The following PUM1 variants were observed in gnomAD, a reference collection of about 807,000 sequenced individuals.
PUM1 encodes the protein pumilio homolog 1.
PUM1 carries 13 observed loss-of-function variants against 131.8 expected under a neutral mutation model. That is an observed-to-expected ratio of 0.10 (90% CI 0.06 to 0.16). PUM1 has a LOEUF of 0.16. Among genes scored for constraint, PUM1 ranks in the 10% least tolerant of loss-of-function variants. The probability of loss-of-function intolerance (pLI) is 1.00; values close to 1 mark genes in which losing one functional copy is unlikely to be tolerated. For missense variants in PUM1, 961 were observed against 1,512.4 expected, an observed-to-expected ratio of 0.64 and a Z score of 6.05; for synonymous variants, 509 against 556.5, an observed-to-expected ratio of 0.91 and a Z score of 1.20.
intron 3 of PUM1, 114 bp from the exon 4 acceptor site, chr1:31,007,216 T>C: frequency 1.3e-6 from 1 of 740,862 alleles, no homozygotes. Flanking sequence ...CCTGAAGGTC[T>C]TTAATTAAAG....
At chr1:31,060,537 C>T (rs1337078687) in intron 1 of PUM1, among the ~76,000 whole-genome samples, 2 of 152,008 alleles carry the variant, frequency 1.3e-5, no homozygotes, top group African/African-American at 2.4e-5. Context: ...AAAGCCTAAA[C>T]CCATATATAA....
In PUM1 at chr1:31,046,363, G is replaced by A. The variant is rs780728523; in HGVS notation, c.363+12841C>T. On this transcript the variant is annotated intron_variant, in intron 2 of 21. Coordinates refer to ENST00000426105, the MANE Select transcript of PUM1 (RefSeq NM_001020658.2). ...ATCGTGCCACTGCACTCCAACCTGG[G>A]CAACAAGAGTGAAACTCTCTCTCAA... 9.2e-4 allele frequency among the ~76,000 whole-genome samples: 140 copies of A among 152,248 alleles called. 1 individual carries two copies. Among genetic ancestry groups the A allele is most frequent in the Non-Finnish European group, 8.2e-4 (56 of 68,022 alleles).
At chr1:30,973,711 A>AC (rs1249424404) in intron 10 of PUM1, among the ~76,000 whole-genome samples, 1 of 152,188 alleles carries the variant, frequency 6.6e-6, no homozygotes, top group Non-Finnish European at 1.5e-5. Context: ...CAGATACCAA[A>AC]CATAATAGCA....
chr1:30,987,871 A>G (rs780776364), intron 7 of PUM1, among the ~76,000 whole-genome samples: 1 of 152,216 alleles, frequency 6.6e-6, no homozygotes, highest in African/African-American at 2.4e-5. Context: ...TACCTGTGAC[A>G]TTATCACAAA....
At chr1:30,979,072 C>T (rs1459807292) in intron 9 of PUM1, among the ~76,000 whole-genome samples, 1 of 150,654 alleles carries the variant, frequency 6.6e-6, no homozygotes, top group African/African-American at 2.5e-5. Flanking sequence ...CCACTGCATC[C>T]CATCCTCGGC....
At chr1:30,954,519 G>A (rs1290403714) in intron 14 of PUM1, among the ~76,000 whole-genome samples, 1 of 152,202 alleles carries the variant, frequency 6.6e-6, no homozygotes, top group East Asian at 1.9e-4. Context: ...AAATAGAAGT[G>A]TGAAAATCGC....
intron 3 of PUM1, among the ~76,000 whole-genome samples, chr1:31,024,254 C>G (rs1412510313): frequency 1.3e-5 from 2 of 152,128 alleles, no homozygotes; most frequent in Non-Finnish European, 2.9e-5. Flanking sequence ...TCTATCCCAC[C>G]AAATTTTGCC....
At chr1:30,970,352 G>C (rs993074364) in intron 10 of PUM1, among the ~76,000 whole-genome samples, 1 of 152,116 alleles carries the variant, frequency 6.6e-6, no homozygotes, top group African/African-American at 2.4e-5. Flanking sequence ...AGGGATGTGT[G>C]GACACTTAAT....
chr1:30,951,762 G>T (rs556811692), intron 16 of PUM1, among the ~76,000 whole-genome samples: 1 of 152,290 alleles, frequency 6.6e-6, no homozygotes, highest in South Asian at 2.1e-4. Context: ...AAGGCCAAAC[G>T]ATCAGCCAAG....
At chr1:31,027,423 A>C (rs1643265122) in intron 3 of PUM1, among the ~76,000 whole-genome samples, 1 of 152,250 alleles carries the variant, frequency 6.6e-6, no homozygotes, top group African/African-American at 2.4e-5. Context: ...CTTTCTGTTC[A>C]AATCTGCTCC....
rs778312481 is a variant in PUM1 at position 30,992,645 on chromosome 1, A to G, written c.903T>C (p.Asn301=). 1.2e-6 allele frequency: 2 copies of G among 1,613,580 alleles called. No homozygotes were observed. The highest frequency in any genetic ancestry group is 1.7e-5 in the Admixed American group (1 of 59,990). The change falls in exon 7 of 22, where the codon AAT becomes AAC. Residue 301 remains asparagine, a synonymous_variant. Transcript: ENST00000426105. ...CCACTTCATTAGCAGAGTTCTGGCA[A>G]TTACCAGGGGTACGGCTAAACAGAG... is the stretch of plus-strand genomic sequence containing the variant. ...DVKDFSRTPG[N]CQNSANEVDL...
intron 17 of PUM1, among the ~76,000 whole-genome samples, chr1:30,947,871 ATT>A (rs755403369): frequency 7.9e-4 from 112 of 141,058 alleles, no homozygotes; most frequent in African/African-American, 7.8e-4. Flanking sequence ...AAGGGAATAA[ATT>A]TTTTTTTTTT....
At chr1:30,982,035 T>TA (rs1641377019) in intron 7 of PUM1, 1 of 152,200 alleles carries the variant, frequency 6.6e-6, no homozygotes, top group Non-Finnish European at 1.5e-5. Context: ...ATGAGTAAAT[T>TA]AAGACACCTG....
chr1:30,985,579 G>A (rs1038656874), intron 7 of PUM1, among the ~76,000 whole-genome samples: 1 of 150,086 alleles, frequency 6.7e-6, no homozygotes, highest in South Asian at 2.1e-4. Flanking sequence ...TTGAACCCAG[G>A]AGGCGGAAGT....
Position 30,933,168 on chromosome 1 carries a change from C to A in PUM1, c.*43G>T. 6.3e-7 allele frequency: 1 copy of A among 1,576,644 alleles called. No individual in the cohort carries two copies. The highest frequency in any genetic ancestry group is 8.6e-7 in the Non-Finnish European group (1 of 1,161,290). On this transcript the variant is annotated 3_prime_UTR_variant, in exon 22 of 22. Coordinates refer to ENST00000426105, the MANE Select transcript of PUM1 (RefSeq NM_001020658.2). The stretch of plus-strand genomic sequence containing the variant: ...TTGCTGGTTGGATTTGCCAGTGGGC[C>A]AGTGAGGTCAGCGGGAATGAGGGAA...
chr1:30,951,305 A>G (rs1639924314), intron 16 of PUM1, among the ~76,000 whole-genome samples: 2 of 152,220 alleles, frequency 1.3e-5, no homozygotes, highest in Non-Finnish European at 2.9e-5. Flanking sequence ...AGTCATTCTA[A>G]AATCAAAAAT....
At chr1:31,052,401 T>G (rs1644133101) in intron 2 of PUM1, among the ~76,000 whole-genome samples, 1 of 149,692 alleles carries the variant, frequency 6.7e-6, no homozygotes, top group Admixed American at 6.8e-5. Context: ...AATTTCCTTT[T>G]TTTCATTTTT....
chr1:30,948,474 C>A (rs561430017), intron 17 of PUM1, among the ~76,000 whole-genome samples: 33 of 152,082 alleles, frequency 2.2e-4, no homozygotes, highest in Middle Eastern at 3.4e-3. Context: ...CAGGAAACAA[C>A]GACAGCTGGG....
chr1:30,977,910 C>G lies in PUM1; in HGVS notation c.1354+2152G>C, dbSNP rs536989332. Reference sequence around the variant, plus strand: ...CTTTGGAGTTAAACCTGGTTCAAACCCCAACTCTACAACATTTAAATTGTG... The same window carrying G: ...CTTTGGAGTTAAACCTGGTTCAAACGCCAACTCTACAACATTTAAATTGTG... On this transcript the variant is annotated intron_variant, in intron 9 of 21. Transcript: ENST00000426105. Among the ~76,000 whole-genome samples the G allele has an allele frequency of 4.6e-5, 7 of 152,200 alleles. No homozygotes were observed. The South Asian group carries it at 6.2e-4, about 14-fold the overall frequency.
Sources: gnomAD v4.1 joint callset for allele counts (sites outside exome capture counted in the v4.1 genomes callset) on GRCh38, gnomAD v4.1.1 for gene constraint, MANE v1.5 for transcripts, NCBI Gene and HGNC (gene_info 2026-07-23, HGNC 2026-07-21) for gene names.